The following ABCB5 variants were observed in gnomAD, a reference collection of about 807,000 sequenced individuals.
The protein encoded by ABCB5 is ATP binding cassette subfamily B member 5, also known as ATP-binding cassette sub-family B member 5.
A neutral mutation model predicts 144.2 loss-of-function variants in ABCB5; 155 were observed. The ratio of observed to expected loss-of-function variants is 1.08; its 90% confidence interval spans 0.94 to 1.23. The LOEUF (loss-of-function observed/expected upper bound fraction) is 1.23, where lower values mean the gene tolerates loss of function less well. Ranked by LOEUF, ABCB5 falls within the 50% of genes most tolerant of loss-of-function variation. The pLI is 0.00. For synonymous variants in ABCB5, 610 were observed against 528.6 expected (o/e 1.15, Z -2.11); for missense variants, 1,830 against 1,520.8 (o/e 1.20, Z -3.38).
intron 21 of ABCB5, among the ~76,000 whole-genome samples, chr7:20,723,528 C>T (rs951420244): frequency 6.6e-6 from 1 of 152,208 alleles, no homozygotes; most frequent in African/African-American, 2.4e-5. Context: ...CCTTTGTAGA[C>T]TTCAGGTTTC....
At chr7:20,753,082 AT>A (rs1471106570) in intron 26 of ABCB5, among the ~76,000 whole-genome samples, 1 of 152,100 alleles carries the variant, frequency 6.6e-6, no homozygotes, top group East Asian at 1.9e-4. Flanking sequence ...CTTGCCAGTA[AT>A]TTTTTTCTTA....
chr7:20,660,827 C>G (rs1430962029), intron 14 of ABCB5, among the ~76,000 whole-genome samples: 2 of 152,186 alleles, frequency 1.3e-5, no homozygotes, highest in Non-Finnish European at 2.9e-5. Context: ...AATCTATACC[C>G]ACTTCACTCC....
intron 1 of ABCB5, among the ~76,000 whole-genome samples, chr7:20,618,614 T>C (rs1464266678): frequency 1.3e-5 from 2 of 152,088 alleles, no homozygotes; most frequent in African/African-American, 4.8e-5. Context: ...CATCTTTATG[T>C]CCATGTGGAC....
In ABCB5 at chr7:20,745,408, T is replaced by C. The variant is rs182811603; in HGVS notation, c.3399T>C (p.Asn1133=). 6.2e-6 allele frequency: 10 copies of C among 1,614,158 alleles called. 1 individual carries two copies. The highest frequency in any genetic ancestry group is 1.7e-4 in the Middle Eastern group (1 of 6,058). ...TCAAAGAAGCCGCAAATGCAGCAAA[T>C]ATCCATTCTTTTATTGAAGGTCTCC... ...DEIKEAANAA[N]IHSFIEGLPE... The change falls in exon 26 of 28, where the codon AAT becomes AAC. Residue 1133 remains asparagine (N), a synonymous_variant. Coordinates refer to ENST00000404938, the MANE Select transcript of ABCB5 (RefSeq NM_001163941.2).
intron 12 of ABCB5, among the ~76,000 whole-genome samples, chr7:20,650,721 C>T (rs1035857509): frequency 2.0e-5 from 3 of 152,072 alleles, no homozygotes; most frequent in African/African-American, 7.2e-5. Context: ...AAATCTACTC[C>T]CCTAGAGCCT....
chr7:20,708,181 T>C (rs537217191), intron 20 of ABCB5, among the ~76,000 whole-genome samples: 69 of 152,194 alleles, frequency 4.5e-4, no homozygotes, highest in Non-Finnish European at 8.2e-4. Flanking sequence ...ATTCAAACAA[T>C]GTTGCCATGG....
chr7:20,662,802 T>A (rs929620662), intron 14 of ABCB5, among the ~76,000 whole-genome samples: 3 of 151,616 alleles, frequency 2.0e-5, no homozygotes, highest in Admixed American at 6.6e-5. Context: ...TCAGGGCCCC[T>A]TTGAGAATCT....
In ABCB5 at chr7:20,698,461, T is replaced by A; in HGVS notation, c.2065T>A (p.Trp689Arg). Residue 689 changes from tryptophan to arginine, a missense_variant, in exon 17 of 28, where the codon TGG becomes AGG. By Grantham distance (101) the Trp-to-Arg change is moderately radical. Coordinates refer to ENST00000404938, the MANE Select transcript of ABCB5 (RefSeq NM_001163941.2). ...AATTTTAAAGTTAAACAAGCCTGAA[T>A]GGCCTTTTGTGGTTCTGGGGACATT... The part of the protein sequence containing the change: ...LKILKLNKPE[W>R]PFVVLGTLAS... 6.3e-7 allele frequency: 1 copy of A among 1,598,536 alleles called. No homozygotes were observed. Among genetic ancestry groups the A allele is most frequent in the Non-Finnish European group, 8.5e-7 (1 of 1,174,768 alleles).
rs1451426863 is a variant in ABCB5 at position 20,620,379 on chromosome 7, A to C, written c.-21-2886A>C. 1.3e-5 allele frequency among the ~76,000 whole-genome samples: 2 copies of C among 152,188 alleles called. 1 individual carries two copies. The highest frequency in any genetic ancestry group is 2.9e-5 in the Non-Finnish European group (2 of 68,026). On this transcript the variant is annotated intron_variant, in intron 1 of 27. Transcript: ENST00000404938. ...AGATATGATGCCAAAAACACACACA[A>C]AAACAATAAAAACGTAGATAATTTT...
chr7:20,724,291 C>G (rs1283954133), intron 21 of ABCB5, among the ~76,000 whole-genome samples: 1 of 151,836 alleles, frequency 6.6e-6, no homozygotes, highest in Non-Finnish European at 1.5e-5. Flanking sequence ...TCACGACAGC[C>G]CTTTAGCAGC....
intron 20 of ABCB5, among the ~76,000 whole-genome samples, chr7:20,706,191 T>G (rs976348160): frequency 6.6e-6 from 1 of 152,178 alleles, no homozygotes; most frequent in Non-Finnish European, 1.5e-5. Context: ...AACTTCTGAG[T>G]TTAGGAATTC....
intron 14 of ABCB5, among the ~76,000 whole-genome samples, chr7:20,674,457 T>C (rs1180656634): frequency 1.3e-5 from 2 of 151,892 alleles, no homozygotes; most frequent in Admixed American, 6.6e-5. Context: ...TTTCTTGCAT[T>C]TTTTTCTGAG....
chr7:20,650,167 C>T lies in ABCB5; in HGVS notation c.1332+20C>T, dbSNP rs755227138. 17 of 1,611,884 alleles carry T rather than the reference C, an allele frequency of 1.1e-5. 1 individual carries two copies. In the South Asian group the frequency reaches 1.8e-4, roughly 17 times the overall value. The stretch of plus-strand genomic sequence containing the variant: ...GGCTTTGTAAGTGCAGCTAGCAAAA[C>T]CATGCACAGTCCACCTAATGGAATC... On this transcript the variant is annotated intron_variant, in intron 12 of 27. Coordinates refer to ENST00000404938, the MANE Select transcript of ABCB5 (RefSeq NM_001163941.2).
chr7:20,736,196 C>CT (rs1045318966), intron 23 of ABCB5, among the ~76,000 whole-genome samples: 3 of 151,268 alleles, frequency 2.0e-5, no homozygotes, highest in Non-Finnish European at 3.0e-5. Flanking sequence ...AGTGTGAGAG[C>CT]TTTTTTTTTC....
intron 14 of ABCB5, among the ~76,000 whole-genome samples, chr7:20,673,554 C>T (rs1330866526): frequency 6.6e-6 from 1 of 151,946 alleles, no homozygotes; most frequent in Admixed American, 6.6e-5. Flanking sequence ...CTTTAATCTG[C>T]TTTATCTAAT....
chr7:20,715,606 T>G (rs144413902), intron 20 of ABCB5, among the ~76,000 whole-genome samples: 140 of 152,110 alleles, frequency 9.2e-4, no homozygotes, highest in Middle Eastern at 3.4e-3. Context: ...GACAGAGTCT[T>G]GCATGGTTGC....
At chr7:20,718,341 T>G (rs1033285391) in intron 20 of ABCB5, among the ~76,000 whole-genome samples, 2 of 152,242 alleles carry the variant, frequency 1.3e-5, no homozygotes, top group African/African-American at 4.8e-5. Flanking sequence ...GGGGATGAAC[T>G]GTAAGTCAGC....
intron 26 of ABCB5, among the ~76,000 whole-genome samples, chr7:20,748,941 T>C (rs1241601817): frequency 6.6e-6 from 1 of 152,174 alleles, no homozygotes; most frequent in African/African-American, 2.4e-5. Flanking sequence ...ACACTTTGCT[T>C]TCTGAGGATT....
At chr7:20,733,414 C>T (rs1782284414) in intron 23 of ABCB5, among the ~76,000 whole-genome samples, 1 of 151,972 alleles carries the variant, frequency 6.6e-6, no homozygotes, top group South Asian at 2.1e-4. Context: ...CTGAGCTGGC[C>T]TACCATACTT....
Sources: gnomAD v4.1 joint callset for allele counts (sites outside exome capture counted in the v4.1 genomes callset) on GRCh38, gnomAD v4.1.1 for gene constraint, MANE v1.5 for transcripts, NCBI Gene and HGNC (gene_info 2026-07-23, HGNC 2026-07-21) for gene names.